TBC1D4: variants seen among roughly 807,000 people sequenced by gnomAD.
TBC1D4 encodes TBC1 domain family member 4.
TBC1D4 carries 121 observed loss-of-function variants against 142.5 expected under a neutral mutation model. The ratio of observed to expected loss-of-function variants is 0.85; its 90% CI spans 0.73 to 0.99. The LOEUF (loss-of-function observed/expected upper bound fraction) is 0.99. Among genes scored for constraint, TBC1D4 ranks in the 50% least tolerant of loss-of-function variants. TBC1D4 has a pLI of 0.00. For synonymous variants in TBC1D4, 630 were observed against 628.2 expected, an observed-to-expected ratio of 1.00 and a Z score of -0.04; for missense variants, 1,475 against 1,606.6, an observed-to-expected ratio of 0.92 and a Z score of 1.40.
At chr13:75,429,058 A>G (rs1283957828) in intron 1 of TBC1D4, among the ~76,000 whole-genome samples, 1 of 152,214 alleles carries the variant, frequency 6.6e-6, no homozygotes, top group Non-Finnish European at 1.5e-5. Flanking sequence ...TTATCATTAC[A>G]CAGAGTCGCA....
rs566183546 is a variant in TBC1D4, at chr13:75,472,419, A to C, written c.498+8851T>G. Reference sequence around the variant, plus strand: ...GGGTGACAAAGCAAGACTCCGTCTCAGAGAAAAAAAATAAAAATAAAAAAA... The same window carrying C: ...GGGTGACAAAGCAAGACTCCGTCTCCGAGAAAAAAAATAAAAATAAAAAAA... On this transcript the variant is annotated intron_variant, in intron 1 of 20. Coordinates refer to ENST00000377636, the MANE Select transcript of TBC1D4 (RefSeq NM_014832.5). Among the ~76,000 whole-genome samples, 4 of 152,274 alleles carry C rather than the reference A, an allele frequency of 2.6e-5. No homozygotes were observed. The South Asian group carries it at 8.3e-4, about 32-fold the overall frequency.
chr13:75,326,711 C>T (rs1229916926), intron 9 of TBC1D4, among the ~76,000 whole-genome samples: 2 of 152,110 alleles, frequency 1.3e-5, no homozygotes, highest in East Asian at 1.9e-4. Flanking sequence ...AGAGGGATGA[C>T]AAAAAAGTGA....
At chr13:75,457,593 T>C (rs1265822553) in intron 1 of TBC1D4, among the ~76,000 whole-genome samples, 1 of 152,184 alleles carries the variant, frequency 6.6e-6, no homozygotes, top group African/African-American at 2.4e-5. Flanking sequence ...ATCAAGACCA[T>C]GACTTAGAAA....
intron 1 of TBC1D4, among the ~76,000 whole-genome samples, chr13:75,460,590 T>C (rs943066280): frequency 2.6e-5 from 4 of 152,126 alleles, no homozygotes; most frequent in Admixed American, 6.5e-5. Flanking sequence ...GGTATGGAGC[T>C]TGAGCATTCT....
chr13:75,313,166 G>A (rs746447263), intron 12 of TBC1D4, among the ~76,000 whole-genome samples: 2 of 152,176 alleles, frequency 1.3e-5, no homozygotes, highest in African/African-American at 2.4e-5. Context: ...CTAATCTGAG[G>A]AACAGAAGCA....
chr13:75,447,500 A>ATGTGTG (rs35775136), intron 1 of TBC1D4, among the ~76,000 whole-genome samples: 25,473 of 145,168 alleles, frequency 0.18, 2,447 homozygotes, highest in Admixed American at 0.25. Flanking sequence ...CATAGTGTGA[A>ATGTGTG]TGTGTGTGTG....
At chr13:75,460,747 C>G (rs1887933241) in intron 1 of TBC1D4, among the ~76,000 whole-genome samples, 1 of 151,930 alleles carries the variant, frequency 6.6e-6, no homozygotes, top group African/African-American at 2.4e-5. Flanking sequence ...ACAGCGAGAC[C>G]TCATCTTCAC....
At chr13:75,351,263 T>C (rs1881562643) in intron 4 of TBC1D4, among the ~76,000 whole-genome samples, 1 of 152,196 alleles carries the variant, frequency 6.6e-6, no homozygotes, top group Non-Finnish European at 1.5e-5. Flanking sequence ...CATTTGAGAA[T>C]AAGTCTAAGA....
intron 1 of TBC1D4, among the ~76,000 whole-genome samples, chr13:75,404,063 T>TACACACACAC (rs1345766063): frequency 0.11 from 16,131 of 148,998 alleles, 927 homozygotes; most frequent in Non-Finnish European, 0.13. Context: ...TATATATACA[T>TACACACACAC]ACACACACAC....
intron 1 of TBC1D4, among the ~76,000 whole-genome samples, chr13:75,435,541 A>G (rs180836641): frequency 7.3e-4 from 111 of 152,290 alleles, no homozygotes; most frequent in African/African-American, 2.6e-3. Flanking sequence ...CTTTAACACA[A>G]GGACATCACG....
At chr13:75,321,939 A>G (rs1333657875) in intron 11 of TBC1D4, among the ~76,000 whole-genome samples, 1 of 152,250 alleles carries the variant, frequency 6.6e-6, no homozygotes, top group Non-Finnish European at 1.5e-5. Context: ...ATAAAAGAAT[A>G]TAGGCTGTAT....
rs1874690681 is a variant in TBC1D4 at position 75,286,590 on chromosome 13, A to ATATTATATGTACATAGC, written c.*201_*202insGCTATGTACATATAATA. 3.4e-6 allele frequency: 2 copies of ATATTATATGTACATAGC among 584,494 alleles called. No homozygotes were observed. The highest frequency in any genetic ancestry group is 6.1e-6 in the Non-Finnish European group (2 of 328,418). 36.2% of individuals were successfully genotyped at this position (584,494 alleles called of 1,614,324 possible). On this transcript the variant is annotated 3_prime_UTR_variant, in exon 21 of 21. Coordinates refer to ENST00000377636, the MANE Select transcript of TBC1D4 (RefSeq NM_014832.5). ...ATATTTATATGTACATAGCAACAACAAAAACCAGTCTACATATGTCCAATG... is the reference window on the plus strand; with the variant it reads ...ATATTTATATGTACATAGCAACAACATATTATATGTACATAGCAAAACCAGTCTACATATGTCCAATG...
At position 75,294,906 on chromosome 13, in the gene TBC1D4, G is replaced by A. The variant is rs769507248; in HGVS notation, c.3264C>T (p.Phe1088=). ...ISPSLYAAPW[F]LTLFASQFSL... is the part of the protein sequence containing the mutation. ...AAAACTGAGAGGCAAACAATGTGAG[G>A]AACCAGGGGGCAGCATAAAGACTGG... The change falls in exon 18 of 21, where the codon TTC becomes TTT. Residue 1088 remains phenylalanine (F), a synonymous_variant. Coordinates refer to ENST00000377636, the MANE Select transcript of TBC1D4 (RefSeq NM_014832.5). The A allele has an allele frequency of 3.1e-6, 5 of 1,613,808 alleles. No homozygotes were observed. Among genetic ancestry groups the A allele is most frequent in the Non-Finnish European group, 4.2e-6 (5 of 1,179,918 alleles).
intron 1 of TBC1D4, among the ~76,000 whole-genome samples, chr13:75,469,603 T>C (rs1888314974): frequency 6.6e-6 from 1 of 151,998 alleles, no homozygotes; most frequent in African/African-American, 2.4e-5. Flanking sequence ...AAACCCTATC[T>C]CTACAAAAAA....
At chr13:75,361,765 G>A (rs1350062823) in intron 2 of TBC1D4, among the ~76,000 whole-genome samples, 1 of 152,048 alleles carries the variant, frequency 6.6e-6, no homozygotes, top group Non-Finnish European at 1.5e-5. Flanking sequence ...CAGGTGTCCA[G>A]GACGTTCTAC....
intron 1 of TBC1D4, among the ~76,000 whole-genome samples, chr13:75,460,110 T>A (rs1409996147): frequency 6.6e-6 from 1 of 152,092 alleles, no homozygotes; most frequent in Non-Finnish European, 1.5e-5. Flanking sequence ...GCCACTGCAC[T>A]GCAGCCTGGG....
chr13:75,434,977 G>C (rs1886737012), intron 1 of TBC1D4, among the ~76,000 whole-genome samples: 2 of 150,256 alleles, frequency 1.3e-5, no homozygotes. Flanking sequence ...GCAAAACCCT[G>C]TCTCTGCTAA....
Position 75,420,203 on chromosome 13 carries a change from T to A in TBC1D4, c.499-57596A>T, listed in dbSNP as rs139067733. On this transcript the variant is annotated intron_variant, in intron 1 of 20. Transcript: ENST00000377636. ...TCTTCCAGAAGGGGTGGGGGACTTGTGCTGGGCAGAGCAGTGGCAATAGGA... is the reference window on the plus strand; with the variant it reads ...TCTTCCAGAAGGGGTGGGGGACTTGAGCTGGGCAGAGCAGTGGCAATAGGA... Among the ~76,000 whole-genome samples the A allele has an allele frequency of 4.1e-3, 625 of 152,264 alleles. 9 individuals carry two copies. Among genetic ancestry groups the A allele is most frequent in the African/African-American group, 0.015 (608 of 41,554 alleles).
chr13:75,469,767 T>C (rs1888321723), intron 1 of TBC1D4, among the ~76,000 whole-genome samples: 1 of 152,098 alleles, frequency 6.6e-6, no homozygotes, highest in African/African-American at 2.4e-5. Context: ...AGAGCAAGAA[T>C]CTGTCTCCTA....
Sources: gnomAD v4.1 joint callset for allele counts (sites outside exome capture counted in the v4.1 genomes callset) on GRCh38, gnomAD v4.1.1 for gene constraint, MANE v1.5 for transcripts, NCBI Gene and HGNC (gene_info 2026-07-23, HGNC 2026-07-21) for gene names.